ADORA2B: variants seen among roughly 807,000 people sequenced by gnomAD.
ADORA2B encodes the protein adenosine A2b receptor.
A neutral mutation model predicts 20.8 loss-of-function variants in ADORA2B; 18 were observed. That is an observed-to-expected ratio of 0.87 (90% CI 0.60 to 1.29). ADORA2B has a LOEUF of 1.29. Among genes scored for constraint, ADORA2B ranks in the 50% most tolerant of loss-of-function variants. The pLI is 0.00. For missense variants in ADORA2B, 441 were observed against 422.7 expected (o/e 1.04, Z -0.38); for synonymous variants, 179 against 178.3 (o/e 1.00, Z -0.03).
the ADORA2B span, among the ~76,000 whole-genome samples, chr17:15,931,363 C>A: frequency 6.6e-6 from 1 of 152,212 alleles, no homozygotes; most frequent in Non-Finnish European, 1.5e-5. Flanking sequence ...TCCCCAGCAC[C>A]CACTCATGTG....
At chr17:15,922,722 G>A in the ADORA2B span, among the ~76,000 whole-genome samples, 1 of 152,112 alleles carries the variant, frequency 6.6e-6, no homozygotes, top group African/African-American at 2.4e-5. Flanking sequence ...ATACTTGCTG[G>A]GTCAAAGAGT....
the ADORA2B span, among the ~76,000 whole-genome samples, chr17:15,873,802 A>G: frequency 6.6e-6 from 1 of 152,164 alleles, no homozygotes; most frequent in Non-Finnish European, 1.5e-5. Flanking sequence ...GTGGTAATGT[A>G]AATTAATACA....
At chr17:15,898,315 A>G in the ADORA2B span, among the ~76,000 whole-genome samples, 23 of 151,988 alleles carry the variant, frequency 1.5e-4, no homozygotes, top group African/African-American at 5.3e-4. Flanking sequence ...TTATTTTAAG[A>G]TGGCGTTTTG....
the ADORA2B span, among the ~76,000 whole-genome samples, chr17:15,871,714 A>G: frequency 6.6e-6 from 1 of 152,164 alleles, no homozygotes; most frequent in East Asian, 1.9e-4. Flanking sequence ...AGCTTCCCTC[A>G]TTAATTAATT....
the ADORA2B span, among the ~76,000 whole-genome samples, chr17:15,917,617 C>T: frequency 2.0e-5 from 3 of 152,234 alleles, no homozygotes; most frequent in African/African-American, 7.2e-5. Flanking sequence ...ACAGGGATGC[C>T]CAGCAATCTC....
intron 1 of ADORA2B, among the ~76,000 whole-genome samples, chr17:15,973,708 T>C (rs1970214150): frequency 6.6e-6 from 1 of 152,204 alleles, no homozygotes; most frequent in Admixed American, 6.5e-5. Context: ...TTGTCTTCCA[T>C]GAAGCTGGTC....
intron 1 of ADORA2B, among the ~76,000 whole-genome samples, chr17:15,949,545 G>A (rs1394689790): frequency 1.3e-5 from 2 of 151,920 alleles, no homozygotes; most frequent in Non-Finnish European, 2.9e-5. Flanking sequence ...TATAATTCCC[G>A]TCCCATAAAA....
the ADORA2B span, among the ~76,000 whole-genome samples, chr17:15,919,859 A>T: frequency 1.6e-4 from 24 of 152,166 alleles, no homozygotes; most frequent in African/African-American, 5.3e-4. Context: ...AATAAAAATA[A>T]TTTTTTTAAA....
At chr17:15,947,352 G>T (rs1969819788) in intron 1 of ADORA2B, among the ~76,000 whole-genome samples, 1 of 152,232 alleles carries the variant, frequency 6.6e-6, no homozygotes, top group African/African-American at 2.4e-5. Flanking sequence ...AGAGGAGTTA[G>T]TGGAACAATC....
the ADORA2B span, among the ~76,000 whole-genome samples, chr17:15,918,263 A>C: frequency 1.3e-5 from 2 of 152,118 alleles, no homozygotes; most frequent in Non-Finnish European, 2.9e-5. Flanking sequence ...ACCTTGGTTC[A>C]GGTTTCAGCA....
the ADORA2B span, among the ~76,000 whole-genome samples, chr17:15,939,354 CCTT>C: frequency 6.6e-6 from 1 of 152,156 alleles, no homozygotes; most frequent in African/African-American, 2.4e-5. Flanking sequence ...TCTTTCTACT[CCTT>C]CTTGGAAACA....
At chr17:15,932,021 A>T in the ADORA2B span, among the ~76,000 whole-genome samples, 9 of 152,112 alleles carry the variant, frequency 5.9e-5, no homozygotes, top group African/African-American at 1.2e-4. Flanking sequence ...GTGAACCACC[A>T]TACCTGGCCT....
At chr17:15,967,139 G>A (rs978260938) in intron 1 of ADORA2B, among the ~76,000 whole-genome samples, 2 of 152,146 alleles carry the variant, frequency 1.3e-5, no homozygotes, top group Non-Finnish European at 2.9e-5. Flanking sequence ...GAGAGGGCGT[G>A]GCAGGTGGTT....
intron 1 of ADORA2B, among the ~76,000 whole-genome samples, chr17:15,958,147 T>C (rs1028784774): frequency 2.7e-4 from 41 of 152,050 alleles, no homozygotes; most frequent in African/African-American, 8.9e-4. Context: ...GCCTCGCGAG[T>C]AGCTGGGATT....
At chr17:15,851,590 T>C in the ADORA2B span, among the ~76,000 whole-genome samples, 72,374 of 151,768 alleles carry the variant, frequency 0.48, 19,811 homozygotes, top group African/African-American at 0.76. Flanking sequence ...GAAGGGCAGC[T>C]TTCTACTCCC....
At chr17:15,915,035 G>A in the ADORA2B span, among the ~76,000 whole-genome samples, 5 of 152,170 alleles carry the variant, frequency 3.3e-5, no homozygotes, top group Non-Finnish European at 7.4e-5. Context: ...CAGGAACTTG[G>A]TATCTCACAG....
At chr17:15,918,756 A>G in the ADORA2B span, among the ~76,000 whole-genome samples, 1,229 of 152,290 alleles carry the variant, frequency 8.1e-3, 14 homozygotes, top group African/African-American at 0.028. Context: ...GGTGTAAGCC[A>G]CCGCGCCTGG....
At chr17:15,912,258 T>C in the ADORA2B span, among the ~76,000 whole-genome samples, 1 of 150,330 alleles carries the variant, frequency 6.7e-6, no homozygotes. Flanking sequence ...CACATGCTTG[T>C]AGTCCTAGCT....
chr17:15,966,845 G>GAAC (rs1970124122), intron 1 of ADORA2B, among the ~76,000 whole-genome samples: 1 of 152,230 alleles, frequency 6.6e-6, no homozygotes, highest in Admixed American at 6.5e-5. Flanking sequence ...TCAGTCGCCT[G>GAAC]TTATTCACTC....
Sources: gnomAD v4.1 joint callset for allele counts (sites outside exome capture counted in the v4.1 genomes callset) on GRCh38, gnomAD v4.1.1 for gene constraint, MANE v1.5 for transcripts, NCBI Gene and HGNC (gene_info 2026-07-23, HGNC 2026-07-21) for gene names.